MORC4: variants seen among roughly 807,000 people sequenced by gnomAD.
MORC4 encodes MORC family CW-type zinc finger protein 4.
In MORC4, 22 loss-of-function variants were observed where a neutral mutation model predicts 65.5. The ratio of observed to expected loss-of-function variants is 0.34; its 90% CI spans 0.24 to 0.48. The LOEUF is 0.48. Ranked by LOEUF, MORC4 falls within the 20% of genes least tolerant of loss-of-function variation. MORC4 has a pLI of 0.99. For missense variants in MORC4, 624 were observed against 703.0 expected (o/e 0.89, Z 1.27); for synonymous variants, 267 against 255.8 (o/e 1.04, Z -0.42).
At chrX:106,996,182 CTTTTTT>C (rs565884580) in intron 2 of MORC4, among the ~76,000 whole-genome samples, 8 of 85,274 alleles carry the variant, frequency 9.4e-5, no homozygotes, top group Non-Finnish European at 1.4e-4. Flanking sequence ...TTACTAGGTA[CTTTTTT>C]TTTTTTTTTT....
intron 7 of MORC4, 38 bp from the exon 8 acceptor site, chrX:106,978,237 G>A: frequency 8.6e-7 from 1 of 1,163,482 alleles, no homozygotes; most frequent in East Asian, 3.1e-5. Flanking sequence ...ACATACCAGG[G>A]GCTTCAACGA....
chrX:106,957,139 C>T (rs972800159), intron 11 of MORC4, 135 bp from the exon 12 acceptor site: 12 of 331,381 alleles, frequency 3.6e-5, no homozygotes, highest in African/African-American at 1.8e-4. Context: ...ATTATAAAAC[C>T]TTGTTATATG....
Position 106,999,962 on chromosome X carries a change from A to G in MORC4, c.8T>C (p.Leu3Pro). Residue 3 changes from leucine to proline, a missense_variant, in exon 1 of 17, where the codon CTG (leucine) becomes CCG (proline). Coordinates refer to ENST00000355610, the MANE Select transcript of MORC4 (RefSeq NM_024657.5). MLLYRGAPAGPGA... is the reference protein window; with the variant it reads MLPYRGAPAGPGA... ...AGGGCCGGCGGGGGCCCCTCGGTAC[A>G]GGAGCATTTTTTTGGCCGCCACGGT... 1.2e-6 allele frequency: 1 copy of G among 867,011 alleles called. No individual in the cohort carries two copies. Among genetic ancestry groups the G allele is most frequent in the Non-Finnish European group, 1.4e-6 (1 of 704,173 alleles). 71.5% of individuals were successfully genotyped at this position (867,011 alleles called of 1,213,427 possible).
chrX:106,999,210 C>T (rs953499521), intron 2 of MORC4, among the ~76,000 whole-genome samples: 2 of 111,051 alleles, frequency 1.8e-5, no homozygotes, highest in South Asian at 3.8e-4. Context: ...AGAGATGTCC[C>T]ATCATTCCTA....
chrX:106,967,595 G>C (rs1934405337), intron 9 of MORC4, among the ~76,000 whole-genome samples: 1 of 112,207 alleles, frequency 8.9e-6, no homozygotes, highest in African/African-American at 3.2e-5. Flanking sequence ...TGGCTAATTA[G>C]AACAACCAGT....
chrX:106,944,017 G>A (rs1933764183), intron 14 of MORC4, among the ~76,000 whole-genome samples: 1 of 112,387 alleles, frequency 8.9e-6, no homozygotes, highest in African/African-American at 3.2e-5. Flanking sequence ...AGCAGGGTGG[G>A]AACCCCATTT....
Position 107,000,001 on chromosome X carries a change from C to G in MORC4, c.-32G>C. On this transcript the variant is annotated 5_prime_UTR_variant, in exon 1 of 17. Coordinates refer to ENST00000355610, the MANE Select transcript of MORC4 (RefSeq NM_024657.5). ...GGCCGCCACGGTACCCGTCTGCTGC[C>G]GCCGGACCCCTGGCCCGGCGGTCCG... is the stretch of plus-strand genomic sequence containing the variant. 1.4e-6 allele frequency: 1 copy of G among 699,466 alleles called. No homozygotes were observed. Among genetic ancestry groups the G allele is most frequent in the Non-Finnish European group, 1.8e-6 (1 of 555,335 alleles). The allele number at this position is 699,466 out of a possible 1,213,427, so 57.6% of individuals were successfully genotyped here.
intron 9 of MORC4, among the ~76,000 whole-genome samples, chrX:106,964,487 C>T (rs1334303103): frequency 9.0e-6 from 1 of 111,559 alleles, no homozygotes; most frequent in Admixed American, 9.5e-5. Context: ...TTGCCAAAAA[C>T]TTCTCAAATT....
chrX:106,957,074 T>C, intron 11 of MORC4, 70 bp from the exon 12 acceptor site: 1 of 660,083 alleles, frequency 1.5e-6, no homozygotes, highest in Non-Finnish European at 2.4e-6. Flanking sequence ...TTAATTTCCT[T>C]ATAACTATGC....
intron 10 of MORC4, among the ~76,000 whole-genome samples, chrX:106,960,522 T>G (rs928022409): frequency 4.5e-5 from 5 of 112,068 alleles, no homozygotes; most frequent in Non-Finnish European, 5.6e-5. Flanking sequence ...CTTAAGTTCT[T>G]GGTGTATCAG....
chrX:106,983,242 A>G (rs1271230532), intron 5 of MORC4, among the ~76,000 whole-genome samples: 1 of 112,321 alleles, frequency 8.9e-6, no homozygotes, highest in South Asian at 3.7e-4. Flanking sequence ...TCTGTTTAAG[A>G]TATGTAAATC....
chrX:106,947,587 AT>A (rs1164831180), intron 14 of MORC4, among the ~76,000 whole-genome samples: 20 of 91,726 alleles, frequency 2.2e-4, no homozygotes, highest in African/African-American at 8.3e-4. Context: ...ATATATATAT[AT>A]ATAATATATA....
At chrX:106,984,465 C>CTTTTTTTT (rs762110163) in intron 5 of MORC4, among the ~76,000 whole-genome samples, 184 of 71,353 alleles carry the variant, frequency 2.6e-3, no homozygotes, top group African/African-American at 5.7e-3. Flanking sequence ...TTTCTTTTTT[C>CTTTTTTTT]TTTTTTTTTT....
chrX:106,993,503 C>T (rs1935018625), intron 2 of MORC4, 141 bp from the exon 3 acceptor site: 5 of 504,640 alleles, frequency 9.9e-6, no homozygotes, highest in South Asian at 5.5e-5. Flanking sequence ...GGAGCATTAA[C>T]GGTAGTGCAC....
chrX:106,990,506 C>T (rs1934959847), intron 3 of MORC4, among the ~76,000 whole-genome samples: 1 of 112,222 alleles, frequency 8.9e-6, no homozygotes, highest in Non-Finnish European at 1.9e-5. Flanking sequence ...AATCTGCCTG[C>T]CTTGGCCTTT....
chrX:106,964,340 A>G (rs999018566), intron 9 of MORC4, among the ~76,000 whole-genome samples: 3 of 112,084 alleles, frequency 2.7e-5, no homozygotes, highest in African/African-American at 3.2e-5. Flanking sequence ...AAGTATTAAG[A>G]GCAGAAAGAA....
intron 2 of MORC4, among the ~76,000 whole-genome samples, chrX:106,996,315 G>C (rs1309019367): frequency 9.2e-6 from 1 of 108,926 alleles, no homozygotes; most frequent in African/African-American, 3.4e-5. Context: ...GAATACAAGG[G>C]GGAGGGGGCA....
chrX:106,946,589 A>G (rs1256356579), intron 14 of MORC4, among the ~76,000 whole-genome samples: 3 of 112,410 alleles, frequency 2.7e-5, no homozygotes, highest in Non-Finnish European at 5.6e-5. Context: ...TGCTGCTATG[A>G]ACATTAGCAT....
At chrX:106,989,514 T>C (rs916937637) in intron 3 of MORC4, among the ~76,000 whole-genome samples, 1 of 112,117 alleles carries the variant, frequency 8.9e-6, no homozygotes, top group Non-Finnish European at 1.9e-5. Flanking sequence ...TTCTGTAGGC[T>C]TAATAAATTT....
Sources: gnomAD v4.1 joint callset for allele counts (sites outside exome capture counted in the v4.1 genomes callset) on GRCh38, gnomAD v4.1.1 for gene constraint, MANE v1.5 for transcripts, NCBI Gene and HGNC (gene_info 2026-07-23, HGNC 2026-07-21) for gene names.